SLC39A3: variants seen among roughly 807,000 people sequenced by gnomAD.
SLC39A3 encodes zinc transporter ZIP3.
A neutral mutation model predicts 5.1 loss-of-function variants in SLC39A3; 3 were observed. That is an observed-to-expected ratio of 0.59 (90% CI 0.27 to 1.54). The LOEUF (loss-of-function observed/expected upper bound fraction) is 1.54. Among genes scored for constraint, SLC39A3 ranks in the 40% most tolerant of loss-of-function variants. The pLI is 0.12. For missense variants in SLC39A3, 412 were observed against 436.4 expected (o/e 0.94, Z 0.50); for synonymous variants, 250 against 218.8 (o/e 1.14, Z -1.26).
rs1914304382 is a variant in SLC39A3 at position 2,734,683 on chromosome 19, A to G, written c.211-1198T>C. On this transcript the variant is annotated intron_variant, in intron 2 of 2. Coordinates refer to ENST00000269740, the MANE Select transcript of SLC39A3 (RefSeq NM_144564.5). This position sits in a 1 kb window ranked among gnomAD's most constrained non-coding sequence, Gnocchi z 4.6. ...CCACTCCAGGCCAGGAGCACCCCCCATCGTGACAACCACAATGTCCCCAGG... is the reference window on the plus strand; with the variant it reads ...CCACTCCAGGCCAGGAGCACCCCCCGTCGTGACAACCACAATGTCCCCAGG... 3.1e-6 allele frequency: 3 copies of G among 966,118 alleles called. No homozygotes were observed. The highest frequency in any genetic ancestry group is 2.5e-6 in the Non-Finnish European group (2 of 812,462). The allele number at this position is 966,118 out of a possible 1,614,324, so 59.8% of individuals were successfully genotyped here.
At chr19:2,737,501 C>T (rs765981908) in intron 1 of SLC39A3, 122 bp from the exon 2 acceptor site, 42 of 575,396 alleles carry the variant, frequency 7.3e-5, no homozygotes, top group East Asian at 5.4e-4. Flanking sequence ...CTGCAACCTC[C>T]GCTTCCTGGA....
rs944597586 is a variant in SLC39A3, at chr19:2,737,036, G to C, written c.210+12C>G. The stretch of plus-strand genomic sequence containing the variant: ...TGCCAAGGGCTGCTGCTAGTGCCCA[G>C]GGAGCCCTTACCTTTTCCCTCACAG... On this transcript the variant is annotated intron_variant, in intron 2 of 2. Transcript: ENST00000269740. The C allele has an allele frequency of 6.2e-7, 1 of 1,613,876 alleles. No individual in the cohort carries two copies. The highest frequency in any genetic ancestry group is 1.3e-5 in the African/African-American group (1 of 74,908).
rs1230779944 is a variant in SLC39A3, at chr19:2,735,889, A to G, written c.210+1159T>C. On this transcript the variant is annotated intron_variant, in intron 2 of 2. Coordinates refer to ENST00000269740, the MANE Select transcript of SLC39A3 (RefSeq NM_144564.5). This position sits in a 1 kb window ranked among gnomAD's most constrained non-coding sequence, Gnocchi z 5.7. The stretch of plus-strand genomic sequence containing the variant: ...ACAGCCCTTCTCCTCCTTTCTGGAC[A>G]CTAGGCACGAGGAAAAGCAGGGCCA... 3 of 985,502 alleles carry G rather than the reference A, an allele frequency of 3.0e-6. No homozygotes were observed. Among genetic ancestry groups the G allele is most frequent in the East Asian group, 2.3e-4 (2 of 8,812 alleles). 61.0% of individuals were successfully genotyped at this position (985,502 alleles called of 1,614,324 possible). A position where few individuals can be genotyped will look rare whatever the true frequency, so the allele number is the denominator to read the frequency against.
rs1212596582 is a variant in SLC39A3, at chr19:2,733,249, C to A, written c.447G>T (p.Glu149Asp). The A allele has an allele frequency of 1.2e-6, 2 of 1,610,662 alleles. No homozygotes were observed. ...TCAGGCTGGGGCCGTGGCCGTGGGGCTCCACGTACAGCGCGTGGCCCCGCG... is the reference window on the plus strand; with the variant it reads ...TCAGGCTGGGGCCGTGGCCGTGGGGATCCACGTACAGCGCGTGGCCCCGCG... The part of the protein sequence containing the change: ...GGARGHALYV[E>D]PHGHGPSLSV... The change falls in exon 3 of 3, where the codon GAG (glutamate) becomes GAT (aspartate). Residue 149 changes from glutamate to aspartate, a missense_variant. Glu to Asp is a conservative substitution (Grantham distance 45). Coordinates refer to ENST00000269740, the MANE Select transcript of SLC39A3 (RefSeq NM_144564.5). This position sits in a 1 kb window ranked among gnomAD's most constrained non-coding sequence, Gnocchi z 6.1.
intron 1 of SLC39A3, chr19:2,737,767 TTG>T: frequency 6.1e-6 from 1 of 164,170 alleles, no homozygotes; most frequent in Non-Finnish European, 1.3e-5. Flanking sequence ...AGACAATGTA[TTG>T]TGAGACCCTG....
Position 2,734,527 on chromosome 19 carries a change from G to A in SLC39A3, c.211-1042C>T, listed in dbSNP as rs761870716. ...TCTGCCCGTGTGGACACCTGGCAAT[G>A]TCTGGAAACATTTTTTATTTTCACA... On this transcript the variant is annotated intron_variant, in intron 2 of 2. Transcript: ENST00000269740. This position sits in a 1 kb window ranked among gnomAD's most constrained non-coding sequence, Gnocchi z 4.6. The A allele has an allele frequency of 2.5e-4, 41 of 162,358 alleles. No homozygotes were observed. Among genetic ancestry groups the A allele is most frequent in the Admixed American group, 1.3e-4 (2 of 15,300 alleles). 10.1% of individuals were successfully genotyped at this position (162,358 alleles called of 1,614,324 possible).
chr19:2,738,863 G>A (rs1402953246), intron 1 of SLC39A3, among the ~76,000 whole-genome samples: 1 of 151,966 alleles, frequency 6.6e-6, no homozygotes, highest in Non-Finnish European at 1.5e-5. Context: ...CTTGAACCCA[G>A]GAGGTGGAGG....
chr19:2,735,107 C>T lies in SLC39A3; in HGVS notation c.211-1622G>A, dbSNP rs1235194748. 9.1e-6 allele frequency: 9 copies of T among 985,140 alleles called. No homozygotes were observed. Among genetic ancestry groups the T allele is most frequent in the African/African-American group, 1.7e-5 (1 of 57,156 alleles). The allele number at this position is 985,140 out of a possible 1,614,324, so 61.0% of individuals were successfully genotyped here. A position where few individuals can be genotyped will look rare whatever the true frequency, so the allele number is the denominator to read the frequency against. The stretch of plus-strand genomic sequence containing the variant: ...GAGGGAAGAGCAAGCTCCCCGCAGT[C>T]GCCCAGGCCTGCAGTCAGAGGGTGA... On this transcript the variant is annotated intron_variant, in intron 2 of 2. Coordinates refer to ENST00000269740, the MANE Select transcript of SLC39A3 (RefSeq NM_144564.5). This position sits in a 1 kb window ranked among gnomAD's most constrained non-coding sequence, Gnocchi z 5.7.
In SLC39A3 at chr19:2,733,514, G is replaced by A. The variant is rs551204899; in HGVS notation, c.211-29C>T. ...CAGCCGGGGACACCCGAGAGAGAGA[G>A]AGAGACCCACGCTCAGGGGTGGCGG... On this transcript the variant is annotated intron_variant, in intron 2 of 2. Coordinates refer to ENST00000269740, the MANE Select transcript of SLC39A3 (RefSeq NM_144564.5). The surrounding 1 kb of genome is among the most constrained non-coding windows in gnomAD (Gnocchi z 6.1). The A allele has an allele frequency of 5.7e-6, 9 of 1,586,112 alleles. No homozygotes were observed. The African/African-American group carries it at 1.2e-4, about 21-fold the overall frequency.
rs908770809 is a variant in SLC39A3, at chr19:2,732,674, C to A, written c.*77G>T. 4 of 1,437,012 alleles carry A rather than the reference C, an allele frequency of 2.8e-6. No individual in the cohort carries two copies. The highest frequency in any genetic ancestry group is 3.6e-6 in the Non-Finnish European group (4 of 1,101,814). The allele number at this position is 1,437,012 out of a possible 1,614,324, so 89.0% of individuals were successfully genotyped here. A position where few individuals can be genotyped will look rare whatever the true frequency, so the allele number is the denominator to read the frequency against. ...CCACAGTGCTCGCTCTTGGGGGACGCGCGGCCGGGGGACGCGGCCTGTGTC... is the reference window on the plus strand; with the variant it reads ...CCACAGTGCTCGCTCTTGGGGGACGAGCGGCCGGGGGACGCGGCCTGTGTC... On this transcript the variant is annotated 3_prime_UTR_variant, in exon 3 of 3. Transcript: ENST00000269740.
chr19:2,736,724 T>G lies in SLC39A3; in HGVS notation c.210+324A>C, dbSNP rs940437906. ...GTTACGCAACAGTAGCTGACTGATA[T>G]AGGAACCGAAGAGAGGCCATGCTTT... On this transcript the variant is annotated intron_variant, in intron 2 of 2. Transcript: ENST00000269740. The G allele has an allele frequency of 5.6e-6, 8 of 1,417,202 alleles. No individual in the cohort carries two copies. The East Asian group carries it at 1.8e-4, about 32-fold the overall frequency. 87.8% of individuals were successfully genotyped at this position (1,417,202 alleles called of 1,614,324 possible).
rs772038301 is a variant in SLC39A3, at chr19:2,732,715, G to A, written c.*36C>T. ...GGCCTGTGTCCGGCCCGGGGCTCCC[G>A]GCGGGCTCCGGCGGCAGGGACAATG... On this transcript the variant is annotated 3_prime_UTR_variant, in exon 3 of 3. Coordinates refer to ENST00000269740, the MANE Select transcript of SLC39A3 (RefSeq NM_144564.5). 44 of 1,505,532 alleles carry A rather than the reference G, an allele frequency of 2.9e-5. No individual in the cohort carries two copies. The East Asian group carries it at 3.1e-4, about 11-fold the overall frequency. The allele number at this position is 1,505,532 out of a possible 1,614,324, so 93.3% of individuals were successfully genotyped here.
At chr19:2,736,639 C>T in intron 2 of SLC39A3, 1 of 1,017,108 alleles carries the variant, frequency 9.8e-7, no homozygotes, top group Non-Finnish European at 1.3e-6. Context: ...ACCCCTGACT[C>T]ACAGAAACTG....
Position 2,735,750 on chromosome 19 carries a change from A to C in SLC39A3, c.210+1298T>G. 1.3e-6 allele frequency: 1 copy of C among 750,264 alleles called. No individual in the cohort carries two copies. Among genetic ancestry groups the C allele is most frequent in the Non-Finnish European group, 1.6e-6 (1 of 616,342 alleles). The allele number at this position is 750,264 out of a possible 1,614,324, so 46.5% of individuals were successfully genotyped here. ...GCACGGCAGTCCCAGCCCTACCCAC[A>C]CTCGAGGGGAGGGAAGAGCATGGGG... On this transcript the variant is annotated intron_variant, in intron 2 of 2. Coordinates refer to ENST00000269740, the MANE Select transcript of SLC39A3 (RefSeq NM_144564.5). This position sits in a 1 kb window ranked among gnomAD's most constrained non-coding sequence, Gnocchi z 5.7.
chr19:2,737,938 C>T (rs1914426345), intron 1 of SLC39A3, among the ~76,000 whole-genome samples: 1 of 151,968 alleles, frequency 6.6e-6, no homozygotes, highest in Non-Finnish European at 1.5e-5. Context: ...GTGGCTCACA[C>T]CTGCAATCCC....
intron 2 of SLC39A3, 36 bp downstream of exon 2, chr19:2,737,012 G>A (rs1376211857): frequency 5.6e-6 from 9 of 1,612,594 alleles, no homozygotes; most frequent in Non-Finnish European, 7.6e-6. Context: ...GCCATAAGGT[G>A]CCAAGGGCTG....
rs548605194 is a variant in SLC39A3 at position 2,733,203 on chromosome 19, C to T, written c.493G>A (p.Ala165Thr). 5.1e-5 allele frequency: 82 copies of T among 1,606,934 alleles called. No individual in the cohort carries two copies. Among genetic ancestry groups the T allele is most frequent in the East Asian group, 2.5e-4 (11 of 44,730 alleles). ...PSLSVQGLSR[A>T]SPVRLLSLAF... ...AGGCTGAGCAGGCGCACGGGGCTGG[C>T]GCGCGAGAGGCCCTGCACGCTCAGG... The change falls in exon 3 of 3, where the codon GCC (alanine) becomes ACC (threonine). Residue 165 changes from alanine (A) to threonine (T), a missense_variant. Ala to Thr is a moderately conservative substitution (Grantham distance 58, BLOSUM62 0). Coordinates refer to ENST00000269740, the MANE Select transcript of SLC39A3 (RefSeq NM_144564.5). This position sits in a 1 kb window ranked among gnomAD's most constrained non-coding sequence, Gnocchi z 6.1.
In SLC39A3 at chr19:2,732,652, C is replaced by T; in HGVS notation, c.*99G>A. The T allele has an allele frequency of 1.4e-6, 2 of 1,429,656 alleles. No individual in the cohort carries two copies. The highest frequency in any genetic ancestry group is 1.8e-6 in the Non-Finnish European group (2 of 1,092,590). The allele number at this position is 1,429,656 out of a possible 1,614,324, so 88.6% of individuals were successfully genotyped here. A position where few individuals can be genotyped will look rare whatever the true frequency, so the allele number is the denominator to read the frequency against. On this transcript the variant is annotated 3_prime_UTR_variant, in exon 3 of 3. Transcript: ENST00000269740. ...GTGCACAGGTGGTGGCCCAGGGCCA[C>T]AGTGCTCGCTCTTGGGGGACGCGCG...
chr19:2,735,654 C>T lies in SLC39A3; in HGVS notation c.210+1394G>A, dbSNP rs1004798920. 6.5e-5 allele frequency: 13 copies of T among 200,724 alleles called. No homozygotes were observed. Among genetic ancestry groups the T allele is most frequent in the Admixed American group, 1.3e-4 (2 of 15,316 alleles). The allele number at this position is 200,724 out of a possible 1,614,324, so 12.4% of individuals were successfully genotyped here. A position where few individuals can be genotyped will look rare whatever the true frequency, so the allele number is the denominator to read the frequency against. On this transcript the variant is annotated intron_variant, in intron 2 of 2. Transcript: ENST00000269740. The surrounding 1 kb of genome is among the most constrained non-coding windows in gnomAD (Gnocchi z 5.7). ...CCCTTTTGATGAACTCAGCGCTAAC[C>T]GATCTGGGGCGGTCATCACAGCTGC...
Sources: allele counts gnomAD v4.1 joint callset (sites outside exome capture counted in the v4.1 genomes callset), GRCh38; gene constraint gnomAD v4.1.1; non-coding constraint Gnocchi (gnomAD v3.1); transcripts MANE v1.5; gene names NCBI Gene and HGNC (gene_info 2026-07-23, HGNC 2026-07-21).